SOX5: variants seen among roughly 807,000 people sequenced by gnomAD.
SOX5 encodes the protein SRY-box transcription factor 5, also known as transcription factor SOX-5.
A neutral mutation model predicts 92.0 loss-of-function variants in SOX5; 9 were observed. The observed-to-expected ratio is 0.10, with a 90% confidence interval of 0.06 to 0.17. The LOEUF (loss-of-function observed/expected upper bound fraction) is 0.17. Among genes scored for constraint, SOX5 ranks in the 10% least tolerant of loss-of-function variants. SOX5 has a pLI of 1.00. For synonymous variants in SOX5, 344 were observed against 336.3 expected (o/e 1.02, Z -0.25); for missense variants, 642 against 944.5 (o/e 0.68, Z 4.20).
chr12:24,085,057 A>T (rs757109908), intron 4 of SOX5, among the ~76,000 whole-genome samples: 51 of 152,102 alleles, frequency 3.4e-4, no homozygotes, highest in Admixed American at 1.2e-3. Flanking sequence ...AACCACAAGG[A>T]CTACCTGAAA....
At chr12:23,839,827 G>C (rs1177299650) in intron 3 of SOX5, among the ~76,000 whole-genome samples, 1 of 49,504 alleles carries the variant, frequency 2.0e-5, no homozygotes, top group Non-Finnish European at 4.2e-5. Context: ...TCTCAACTTG[G>C]TAAAAAAAAA....
intron 1 of SOX5, among the ~76,000 whole-genome samples, chr12:24,480,245 T>C (rs1468923019): frequency 6.6e-6 from 1 of 152,112 alleles, no homozygotes; most frequent in African/African-American, 2.4e-5. Context: ...TCTTGCCATA[T>C]ACAAAAATCA....
rs1942460596 is a variant in SOX5, at chr12:23,543,202, T to C, written c.1771+9A>G. The C allele has an allele frequency of 4.3e-6, 7 of 1,609,564 alleles. No individual in the cohort carries two copies. The highest frequency in any genetic ancestry group is 5.9e-6 in the Non-Finnish European group (7 of 1,176,572). ...CCATACGTCACTTAGTTCTTAATGG[T>C]TTTCTTACCCAATATCTTGCTGATG... On this transcript the variant is annotated intron_variant, in intron 13 of 14. Transcript: ENST00000451604.
At chr12:24,053,711 C>G (rs7308858) in intron 4 of SOX5, among the ~76,000 whole-genome samples, 4 of 152,106 alleles carry the variant, frequency 2.6e-5, no homozygotes, top group East Asian at 3.8e-4. Context: ...ATTGCTGCAC[C>G]TCATGTCTTT....
chr12:23,664,467 C>T (rs1257197893), intron 7 of SOX5, among the ~76,000 whole-genome samples: 3 of 151,830 alleles, frequency 2.0e-5, no homozygotes, highest in Non-Finnish European at 1.5e-5. Context: ...TTACTATTTT[C>T]CTTCTGGCCA....
intron 1 of SOX5, among the ~76,000 whole-genome samples, chr12:24,416,074 A>G (rs1234747825): frequency 2.0e-5 from 3 of 152,224 alleles, no homozygotes; most frequent in Admixed American, 6.5e-5. Flanking sequence ...GCAGTGAGAC[A>G]GTGGGTGGTC....
At chr12:23,823,026 G>A (rs1164577621) in intron 3 of SOX5, among the ~76,000 whole-genome samples, 1 of 152,052 alleles carries the variant, frequency 6.6e-6, no homozygotes, top group Non-Finnish European at 1.5e-5. Flanking sequence ...CATGAGGTGG[G>A]TCTCCTGAAT....
chr12:23,578,701 G>A (rs1949615256), intron 9 of SOX5, among the ~76,000 whole-genome samples: 1 of 152,082 alleles, frequency 6.6e-6, no homozygotes, highest in African/African-American at 2.4e-5. Flanking sequence ...GGTCAATTAA[G>A]CCTAAATGTC....
rs148105374 is a variant in SOX5, at chr12:23,660,140, T to C, written c.931+5304A>G. 3.4e-3 allele frequency among the ~76,000 whole-genome samples: 522 copies of C among 152,358 alleles called. 1 individual carries two copies. The highest frequency in any genetic ancestry group is 0.012 in the African/African-American group (500 of 41,594). Reference sequence around the variant, plus strand: ...ATGTATGGCAGAGTGAGTTTGATCCTAACTCAAAGAGAGTGAGTGATGAAA... The same window carrying C: ...ATGTATGGCAGAGTGAGTTTGATCCCAACTCAAAGAGAGTGAGTGATGAAA... On this transcript the variant is annotated intron_variant, in intron 7 of 14. Coordinates refer to ENST00000451604, the MANE Select transcript of SOX5 (RefSeq NM_006940.6).
chr12:23,700,120 T>C (rs2090423968), intron 6 of SOX5, among the ~76,000 whole-genome samples: 1 of 152,130 alleles, frequency 6.6e-6, no homozygotes, highest in Non-Finnish European at 1.5e-5. Flanking sequence ...AGCCTTGATC[T>C]TGGATTGAAA....
At chr12:24,523,165 A>T (rs1950401699) in intron 1 of SOX5, among the ~76,000 whole-genome samples, 1 of 152,180 alleles carries the variant, frequency 6.6e-6, no homozygotes, top group African/African-American at 2.4e-5. Context: ...AAGACAACAT[A>T]CTTAGAAATA....
intron 5 of SOX5, among the ~76,000 whole-genome samples, chr12:23,736,183 C>A (rs1026010048): frequency 6.6e-6 from 1 of 151,798 alleles, no homozygotes; most frequent in Non-Finnish European, 1.5e-5. Flanking sequence ...ATCTCTTGGC[C>A]GGGTGTGGTG....
chr12:24,143,743 C>T (rs1213068387), intron 4 of SOX5, among the ~76,000 whole-genome samples: 1 of 151,654 alleles, frequency 6.6e-6, no homozygotes, highest in Non-Finnish European at 1.5e-5. Flanking sequence ...GGACACTCTA[C>T]TCTGGGAACT....
chr12:24,369,859 A>T (rs955536265), intron 1 of SOX5, among the ~76,000 whole-genome samples: 3 of 152,218 alleles, frequency 2.0e-5, no homozygotes, highest in African/African-American at 7.2e-5. Flanking sequence ...ACAAAGTCCA[A>T]AAAGCTTCGA....
chr12:24,277,544 T>TTTACATTTAA, intron 2 of SOX5, among the ~76,000 whole-genome samples: 5 of 62,630 alleles, frequency 8.0e-5, no homozygotes, highest in South Asian at 5.9e-4. Flanking sequence ...TTTATATGTA[T>TTTACATTTAA]ATAAATTTAT....
At chr12:23,930,663 C>A (rs114863505) in intron 1 of SOX5, among the ~76,000 whole-genome samples, 1,647 of 151,698 alleles carry the variant, frequency 0.011, 30 homozygotes, top group African/African-American at 0.037. Flanking sequence ...CTCAAAACAA[C>A]CCTGTGAGGC....
At chr12:23,652,800 G>A (rs2081781410) in intron 7 of SOX5, among the ~76,000 whole-genome samples, 1 of 151,886 alleles carries the variant, frequency 6.6e-6, no homozygotes, top group African/African-American at 2.4e-5. Flanking sequence ...CAGTCTCCCA[G>A]GCTCTAGTCC....
intron 1 of SOX5, among the ~76,000 whole-genome samples, chr12:24,377,247 T>C (rs533362323): frequency 1.3e-5 from 2 of 152,304 alleles, no homozygotes; most frequent in Non-Finnish European, 2.9e-5. Context: ...GGTACTTTTA[T>C]TATATTCATT....
chr12:23,936,031 A>T (rs1942471129), intron 1 of SOX5, among the ~76,000 whole-genome samples: 1 of 151,056 alleles, frequency 6.6e-6, no homozygotes, highest in Non-Finnish European at 1.5e-5. Context: ...GTAAAAAAAT[A>T]AGATTGTTGT....
Sources: gnomAD v4.1 joint callset for allele counts (sites outside exome capture counted in the v4.1 genomes callset) on GRCh38, gnomAD v4.1.1 for gene constraint, MANE v1.5 for transcripts, NCBI Gene and HGNC (gene_info 2026-07-23, HGNC 2026-07-21) for gene names.